Variants in LOC400499 observed in about 807,000 individuals in gnomAD.
chr16:11,383,557 G>GGTGA, the LOC400499 span: 3 of 1,197,486 alleles, frequency 2.5e-6, no homozygotes, highest in African/African-American at 4.7e-5. Flanking sequence ...TGTCCTCCCT[G>GGTGA]GTGAGAGAAA....
At chr16:11,395,558 C>T in the LOC400499 span, among the ~76,000 whole-genome samples, 1 of 152,224 alleles carries the variant, frequency 6.6e-6, no homozygotes, top group East Asian at 1.9e-4. Flanking sequence ...GGCTGCTGAA[C>T]TCTCAACCCA....
chr16:11,419,581 A>G, the LOC400499 span, among the ~76,000 whole-genome samples: 5 of 152,246 alleles, frequency 3.3e-5, no homozygotes, highest in Non-Finnish European at 7.3e-5. Flanking sequence ...CAATGGCGAC[A>G]AAAGCCAAAA....
chr16:11,390,352 G>A, the LOC400499 span: 1 of 1,234,078 alleles, frequency 8.1e-7, no homozygotes, highest in East Asian at 3.1e-5. Context: ...TGGCATCCCG[G>A]GCACCCAGGC....
the LOC400499 span, chr16:11,476,867 G>A: frequency 2.3e-5 from 9 of 399,574 alleles, no homozygotes; most frequent in Non-Finnish European, 3.5e-5. Context: ...GCGGCGCTGC[G>A]GACGCTGGTC....
chr16:11,448,654 A>G, the LOC400499 span, among the ~76,000 whole-genome samples: 2 of 152,274 alleles, frequency 1.3e-5, no homozygotes, highest in Non-Finnish European at 2.9e-5. Context: ...TCAAGCCCAG[A>G]CATTCGAGGC....
the LOC400499 span, among the ~76,000 whole-genome samples, chr16:11,490,429 G>A: frequency 0.33 from 48,937 of 146,812 alleles, 9,391 homozygotes; most frequent in African/African-American, 0.51. Context: ...TCCGGGCGCA[G>A]TGGCTCACAC....
At chr16:11,411,855 CTTTTTTT>C in the LOC400499 span, among the ~76,000 whole-genome samples, 2 of 144,252 alleles carry the variant, frequency 1.4e-5, no homozygotes, top group African/African-American at 5.1e-5. Flanking sequence ...TTCTCTTTTT[CTTTTTTT>C]TTTTTTCCTT....
chr16:11,425,743 G>A, the LOC400499 span, among the ~76,000 whole-genome samples: 2 of 152,158 alleles, frequency 1.3e-5, no homozygotes, highest in African/African-American at 4.8e-5. Context: ...GAACGCTCCA[G>A]ACGTCTTCGC....
the LOC400499 span, among the ~76,000 whole-genome samples, chr16:11,502,529 A>G: frequency 6.6e-6 from 1 of 152,280 alleles, no homozygotes; most frequent in Admixed American, 6.5e-5. Flanking sequence ...AATGTTCACT[A>G]TGATTGTAAT....
the LOC400499 span, among the ~76,000 whole-genome samples, chr16:11,485,260 A>G: frequency 0.59 from 89,206 of 151,906 alleles, 28,574 homozygotes; most frequent in African/African-American, 0.86. Flanking sequence ...CTCTGTATCT[A>G]CTTGGTAGAT....
chr16:11,417,958 G>T, the LOC400499 span: 4 of 397,242 alleles, frequency 1.0e-5, no homozygotes, highest in Non-Finnish European at 1.8e-5. Context: ...CGCTGTGATG[G>T]GAGGAACTCA....
the LOC400499 span, among the ~76,000 whole-genome samples, chr16:11,408,609 G>GTACA: frequency 3.3e-5 from 5 of 151,990 alleles, no homozygotes; most frequent in Non-Finnish European, 7.4e-5. Flanking sequence ...TGAGATACAG[G>GTACA]TACACACCAC....
the LOC400499 span, among the ~76,000 whole-genome samples, chr16:11,400,981 A>C: frequency 1.3e-5 from 2 of 152,134 alleles, no homozygotes; most frequent in African/African-American, 4.8e-5. Flanking sequence ...AGCAACTATA[A>C]ATGATCAATC....
the LOC400499 span, chr16:11,523,290 G>A: frequency 2.5e-6 from 1 of 397,500 alleles, no homozygotes. Flanking sequence ...GGTATCTTTG[G>A]GAGCATAGTC....
chr16:11,524,977 G>A, the LOC400499 span, among the ~76,000 whole-genome samples: 1 of 152,178 alleles, frequency 6.6e-6, no homozygotes, highest in Non-Finnish European at 1.5e-5. Context: ...TTGCTGACCT[G>A]TTTAATCCCT....
chr16:11,471,048 C>T, the LOC400499 span, among the ~76,000 whole-genome samples: 2 of 152,184 alleles, frequency 1.3e-5, no homozygotes, highest in African/African-American at 2.4e-5. Flanking sequence ...CTGTGGGTCA[C>T]GGCGTCTGGC....
At chr16:11,438,603 T>C in the LOC400499 span, among the ~76,000 whole-genome samples, 1 of 105,490 alleles carries the variant, frequency 9.5e-6, no homozygotes, top group Non-Finnish European at 1.8e-5. Flanking sequence ...AGACCCTGTC[T>C]CTGCAAAAAA....
chr16:11,448,155 G>A, the LOC400499 span: 1 of 1,455,434 alleles, frequency 6.9e-7, no homozygotes, highest in Non-Finnish European at 9.1e-7. Flanking sequence ...GCAAGAGGTA[G>A]CCCCCCACAA....
the LOC400499 span, among the ~76,000 whole-genome samples, chr16:11,506,827 C>G: frequency 6.6e-6 from 1 of 152,234 alleles, no homozygotes; most frequent in Non-Finnish European, 1.5e-5. Flanking sequence ...CAAGCCGAAG[C>G]TCATGAGGTC....
Sources: allele counts gnomAD v4.1 joint callset (sites outside exome capture counted in the v4.1 genomes callset), GRCh38; gene constraint gnomAD v4.1.1; transcripts MANE v1.5.